Variants in MYO9A observed in about 807,000 individuals in gnomAD.
The protein encoded by MYO9A is unconventional myosin-IXa.
MYO9A carries 103 observed loss-of-function variants against 293.3 expected under a neutral mutation model. That is an observed-to-expected ratio of 0.35 (90% CI 0.30 to 0.41). The LOEUF (loss-of-function observed/expected upper bound fraction) is 0.41. Among genes scored for constraint, MYO9A ranks in the 10% least tolerant of loss-of-function variants. The pLI is 1.00. For synonymous variants in MYO9A, 1,001 were observed against 1,035.7 expected (o/e 0.97, Z 0.64); for missense variants, 2,685 against 3,033.0 (o/e 0.89, Z 2.69).
chr15:71,861,847 T>A lies in MYO9A; in HGVS notation c.6091+653A>T, dbSNP rs75790411. Among the ~76,000 whole-genome samples, 53 of 152,126 alleles carry A rather than the reference T, an allele frequency of 3.5e-4. 2 individuals carry two copies. The East Asian group carries it at 4.6e-3, about 13-fold the overall frequency. On this transcript the variant is annotated intron_variant, in intron 33 of 41. Transcript: ENST00000356056. ...TGAAAGAACAGAGAATTTCGGAGGC[T>A]GGAGGGGCGGGCGCAGTGGCTCACG...
intron 18 of MYO9A, among the ~76,000 whole-genome samples, chr15:71,923,810 A>C (rs1242299121): frequency 1.3e-5 from 2 of 152,024 alleles, no homozygotes; most frequent in Non-Finnish European, 2.9e-5. Flanking sequence ...AATTTCATTA[A>C]CGTTTTGTAT....
At chr15:72,041,456 T>C (rs1188590902) in intron 2 of MYO9A, 4 of 356,846 alleles carry the variant, frequency 1.1e-5, no homozygotes, top group African/African-American at 4.3e-5. Context: ...CTTCTTTTTT[T>C]CCCATGAAAA....
chr15:72,101,201 G>A (rs2080296076), intron 1 of MYO9A, among the ~76,000 whole-genome samples: 1 of 132,450 alleles, frequency 7.6e-6, no homozygotes, highest in Non-Finnish European at 1.6e-5. Context: ...GGGAAGTGAG[G>A]AGCCCCTCTG....
chr15:71,988,722 T>C (rs940102341), intron 11 of MYO9A, among the ~76,000 whole-genome samples: 3 of 152,236 alleles, frequency 2.0e-5, no homozygotes, highest in East Asian at 1.9e-4. Flanking sequence ...TCATTCTCTA[T>C]TCTTAACTAT....
chr15:72,075,451 TAG>T (rs1338788433), intron 1 of MYO9A, among the ~76,000 whole-genome samples: 2 of 151,726 alleles, frequency 1.3e-5, no homozygotes, highest in Non-Finnish European at 2.9e-5. Flanking sequence ...TATAATCTTA[TAG>T]AGAGAAAAAA....
chr15:71,834,662 A>G (rs2140801074), intron 39 of MYO9A, among the ~76,000 whole-genome samples: 1 of 151,816 alleles, frequency 6.6e-6, no homozygotes, highest in African/African-American at 2.4e-5. Flanking sequence ...CTGTAGTTCC[A>G]CCTACATGAA....
In MYO9A at chr15:71,879,734, GAATAA is replaced by G; in HGVS notation, c.5721_5725del (p.Tyr1908IlefsTer7). ...AGTCCAACTCACCGCCAATGCAGAT[GAATAA>G]AAGCTGAAGATATTCTGCCGAAATT... On this transcript the variant is annotated frameshift_variant, in exon 30 of 42. Coordinates refer to ENST00000356056, the MANE Select transcript of MYO9A (RefSeq NM_006901.4). LOFTEE classifies it high-confidence loss of function. The G allele has an allele frequency of 6.2e-7, 1 of 1,610,442 alleles. No individual in the cohort carries two copies. Among genetic ancestry groups the G allele is most frequent in the Admixed American group, 1.7e-5 (1 of 60,018 alleles).
At chr15:71,942,291 G>A (rs1037811968) in intron 15 of MYO9A, among the ~76,000 whole-genome samples, 5 of 151,978 alleles carry the variant, frequency 3.3e-5, no homozygotes, top group African/African-American at 4.8e-5. Context: ...GTTACCTAAA[G>A]GAGGTGGGAA....
In MYO9A at chr15:71,897,719, G is replaced by A. The variant is rs1310867754; in HGVS notation, c.4784C>T (p.Pro1595Leu). Residue 1595 changes from proline to leucine, a missense_variant, in exon 25 of 42, where the codon CCC becomes CTC. Around this residue, in one of 10 missense-constraint regions of MYO9A, gnomAD observed 1,434 missense variants for 1,497.7 expected, o/e 0.96. Coordinates refer to ENST00000356056, the MANE Select transcript of MYO9A (RefSeq NM_006901.4). ...AQKDSSSAHL[P>L]PKDRPVTVFF... ...CACGGTGACAGGTCGGTCCTTTGGG[G>A]GTAAGTGAGCAGAGGAACTGTCTTT... 3 of 1,614,078 alleles carry A rather than the reference G, an allele frequency of 1.9e-6. No homozygotes were observed. Among genetic ancestry groups the A allele is most frequent in the Non-Finnish European group, 2.5e-6 (3 of 1,180,022 alleles).
At chr15:72,003,331 A>ACC (rs1004351693) in intron 8 of MYO9A, among the ~76,000 whole-genome samples, 23 of 151,896 alleles carry the variant, frequency 1.5e-4, no homozygotes, top group Non-Finnish European at 2.8e-4. Context: ...AAAGAAAAAA[A>ACC]CTAAGAAACA....
intron 11 of MYO9A, among the ~76,000 whole-genome samples, chr15:71,983,743 A>G (rs1030878921): frequency 6.6e-6 from 1 of 151,826 alleles, no homozygotes; most frequent in Non-Finnish European, 1.5e-5. Context: ...TCAGCCTCCC[A>G]AAGTGCTGGG....
At chr15:72,118,309 C>A (rs943148662), upstream of MYO9A, 1 of 236,500 alleles carries the variant, frequency 4.2e-6, no homozygotes, top group South Asian at 1.8e-4. Context: ...CTTCACCTTA[C>A]GGCAGAGCAG....
chr15:71,928,058 T>TA (rs2058373166), intron 18 of MYO9A, among the ~76,000 whole-genome samples: 11 of 3,708 alleles, frequency 3.0e-3, no homozygotes, highest in African/African-American at 4.3e-3. Flanking sequence ...ATATATATAT[T>TA]TTTTTTTTTT....
chr15:71,882,907 C>T (rs1193794095), intron 28 of MYO9A, among the ~76,000 whole-genome samples: 1 of 152,128 alleles, frequency 6.6e-6, no homozygotes, highest in Non-Finnish European at 1.5e-5. Flanking sequence ...CAGACTCAAG[C>T]GATTCTCCTA....
chr15:72,054,504 C>A (rs181673009), intron 1 of MYO9A, among the ~76,000 whole-genome samples: 1,650 of 152,058 alleles, frequency 0.011, 17 homozygotes, highest in Middle Eastern at 0.031. Flanking sequence ...AACCCCACCT[C>A]TACTAAAAAT....
At chr15:71,842,736 T>G (rs1187757568) in intron 39 of MYO9A, among the ~76,000 whole-genome samples, 2 of 151,798 alleles carry the variant, frequency 1.3e-5, no homozygotes, top group South Asian at 4.2e-4. Flanking sequence ...GGCGGGCACC[T>G]GTAGTCCCAG....
intron 1 of MYO9A, among the ~76,000 whole-genome samples, chr15:72,051,422 AG>A (rs1435284173): frequency 6.6e-6 from 1 of 152,086 alleles, no homozygotes; most frequent in Non-Finnish European, 1.5e-5. Flanking sequence ...CTGCAGACCC[AG>A]GCATCACTGT....
chr15:71,830,235 T>G lies in MYO9A; in HGVS notation c.6914A>C (p.Asp2305Ala), dbSNP rs777017310. 1.9e-6 allele frequency: 3 copies of G among 1,614,082 alleles called. No individual in the cohort carries two copies. In the East Asian group the frequency reaches 6.7e-5, roughly 36 times the overall value. Reference sequence around the variant, plus strand: ...ACTAGTCAAGGTCTCCTCTGAGACATCAGACACAGAAGGCAACCGAACTAC... The same window carrying G: ...ACTAGTCAAGGTCTCCTCTGAGACAGCAGACACAGAAGGCAACCGAACTAC... ...PVVVRLPSVS[D>A]VSEETLTSEA... Residue 2305 changes from aspartate (D) to alanine (A), a missense_variant, in exon 40 of 42, where the codon GAT becomes GCT. By Grantham distance (126) the Asp-to-Ala change is moderately radical. Around this residue, in one of 10 missense-constraint regions of MYO9A, gnomAD observed 350 missense variants for 328.9 expected, o/e 1.06. Transcript: ENST00000356056.
intron 19 of MYO9A, among the ~76,000 whole-genome samples, chr15:71,914,134 T>C (rs2057940281): frequency 6.6e-6 from 1 of 152,176 alleles, no homozygotes; most frequent in African/African-American, 2.4e-5. Flanking sequence ...TCACAAATTC[T>C]AGTTGCCTCT....
Sources: allele counts gnomAD v4.1 joint callset (sites outside exome capture counted in the v4.1 genomes callset), GRCh38; gene constraint gnomAD v4.1.1; regional missense constraint gnomAD v4.1.1; transcripts MANE v1.5; gene names NCBI Gene and HGNC (gene_info 2026-07-23, HGNC 2026-07-21).